The following THEMIS variants were observed in gnomAD, a reference collection of about 807,000 sequenced individuals.
THEMIS encodes the protein protein THEMIS.
A neutral mutation model predicts 52.6 loss-of-function variants in THEMIS; 37 were observed. The ratio of observed to expected loss-of-function variants is 0.70; its 90% confidence interval spans 0.54 to 0.93. THEMIS has a LOEUF of 0.93. Among genes scored for constraint, THEMIS ranks in the 40% least tolerant of loss-of-function variants. THEMIS has a pLI of 0.00. For synonymous variants in THEMIS, 292 were observed against 272.7 expected (o/e 1.07, Z -0.70); for missense variants, 808 against 763.1 (o/e 1.06, Z -0.69).
chr6:127,844,683 T>C (rs1005279337), intron 2 of THEMIS, among the ~76,000 whole-genome samples: 2 of 151,928 alleles, frequency 1.3e-5, no homozygotes, highest in Non-Finnish European at 2.9e-5. Flanking sequence ...TCATGCTCCA[T>C]AACACTCTGA....
chr6:127,850,286 A>G (rs1239859017), intron 2 of THEMIS, among the ~76,000 whole-genome samples: 1 of 152,032 alleles, frequency 6.6e-6, no homozygotes, highest in Non-Finnish European at 1.5e-5. Context: ...ACACTTTTAG[A>G]CTGCTGGTGA....
At chr6:127,769,674 C>T (rs941945977) in intron 4 of THEMIS, among the ~76,000 whole-genome samples, 2 of 152,130 alleles carry the variant, frequency 1.3e-5, no homozygotes, top group Non-Finnish European at 2.9e-5. Flanking sequence ...TACATGTGCA[C>T]AACGTGCAGG....
In THEMIS at chr6:127,812,906, C is replaced by T; in HGVS notation, c.1735G>A (p.Val579Ile). Residue 579 changes from valine to isoleucine, a missense_variant, in exon 4 of 6, where the codon GTA becomes ATA. Val to Ile is a conservative substitution (Grantham distance 29). Transcript: ENST00000368248. The stretch of plus-strand genomic sequence containing the variant: ...ACCTTGGGAGACTTGGGCAGGTCTA[C>T]CGTCCTTTCTTCTGCTAAGGTTAGC... Reference protein sequence around the residue: ...TLLTLAEERTVDLPKSPKRHH... With the variant: ...TLLTLAEERTIDLPKSPKRHH... The T allele has an allele frequency of 6.2e-7, 1 of 1,608,728 alleles. No individual in the cohort carries two copies. The highest frequency in any genetic ancestry group is 2.2e-5 in the East Asian group (1 of 44,838).
At position 127,764,894 on chromosome 6, in the gene THEMIS, C is replaced by T. The variant is rs570739034; in HGVS notation, c.1759-45071G>A. On this transcript the variant is annotated intron_variant, in intron 4 of 5. Coordinates refer to ENST00000368248, the MANE Select transcript of THEMIS (RefSeq NM_001010923.3). ...CCCCCAATTGCAGTAGGAGTTTATGCTTCATTTTGTTCTGACATCTTCATT... is the reference window on the plus strand; with the variant it reads ...CCCCCAATTGCAGTAGGAGTTTATGTTTCATTTTGTTCTGACATCTTCATT... Among the ~76,000 whole-genome samples, 7 of 152,044 alleles carry T rather than the reference C, an allele frequency of 4.6e-5. No homozygotes were observed. In the South Asian group the frequency reaches 1.5e-3, roughly 32 times the overall value.
downstream of THEMIS, among the ~76,000 whole-genome samples, chr6:127,706,635 T>C (rs1348448976): frequency 6.6e-6 from 1 of 152,080 alleles, no homozygotes. Flanking sequence ...GTAAAAGATA[T>C]AGCTTGTTAG....
At chr6:127,721,383 G>T (rs1489511743) in intron 4 of THEMIS, among the ~76,000 whole-genome samples, 1 of 152,064 alleles carries the variant, frequency 6.6e-6, no homozygotes, top group Non-Finnish European at 1.5e-5. Context: ...TAGTATCCCA[G>T]ATAATGGATG....
chr6:127,785,893 C>A (rs1469548217), intron 4 of THEMIS, among the ~76,000 whole-genome samples: 8 of 151,910 alleles, frequency 5.3e-5, no homozygotes, highest in Admixed American at 3.9e-4. Flanking sequence ...ACATATTATA[C>A]CAATTTATGA....
chr6:127,801,643 C>T (rs1269964324), intron 4 of THEMIS, among the ~76,000 whole-genome samples: 1 of 152,150 alleles, frequency 6.6e-6, no homozygotes, highest in African/African-American at 2.4e-5. Context: ...CTCCTCAACC[C>T]ATGCTGCCAT....
Position 127,895,862 on chromosome 6 carries a change from G to C in THEMIS, c.91+4980C>G, listed in dbSNP as rs78814050. Among the ~76,000 whole-genome samples, 960 of 151,062 alleles carry C rather than the reference G, an allele frequency of 6.4e-3. 16 individuals are homozygous for C. The highest frequency in any genetic ancestry group is 0.022 in the African/African-American group (926 of 41,386). On this transcript the variant is annotated intron_variant, in intron 1 of 5. Coordinates refer to ENST00000368248, the MANE Select transcript of THEMIS (RefSeq NM_001010923.3). Reference sequence around the variant, plus strand: ...CAAAAGACTCCAACCAAGAAGTTCCGTAAGTTCAACTAACTTGATAATAAA... The same window carrying C: ...CAAAAGACTCCAACCAAGAAGTTCCCTAAGTTCAACTAACTTGATAATAAA...
intron 3 of THEMIS, among the ~76,000 whole-genome samples, chr6:127,824,688 G>A (rs1778445896): frequency 6.6e-6 from 1 of 152,140 alleles, no homozygotes; most frequent in South Asian, 2.1e-4. Context: ...TGAGAGAGAC[G>A]GGGTTTCACC....
chr6:127,838,478 G>A (rs1018815087), intron 2 of THEMIS, among the ~76,000 whole-genome samples: 4 of 151,998 alleles, frequency 2.6e-5, no homozygotes, highest in African/African-American at 7.2e-5. Flanking sequence ...TAAAAATTGA[G>A]TTATCTTCCT....
At chr6:127,911,291 G>A (rs1314779762) in intron 1 of THEMIS, among the ~76,000 whole-genome samples, 1 of 150,998 alleles carries the variant, frequency 6.6e-6, no homozygotes, top group African/African-American at 2.5e-5. Context: ...CCTTGAGGGA[G>A]GAATATCTAC....
intron 4 of THEMIS, among the ~76,000 whole-genome samples, chr6:127,795,948 A>G (rs926621510): frequency 2.0e-5 from 3 of 152,220 alleles, no homozygotes; most frequent in African/African-American, 7.2e-5. Context: ...AGGATTGTTT[A>G]GTCAATATGT....
At chr6:127,826,514 A>G (rs1778511900) in intron 3 of THEMIS, among the ~76,000 whole-genome samples, 1 of 152,150 alleles carries the variant, frequency 6.6e-6, no homozygotes, top group Non-Finnish European at 1.5e-5. Flanking sequence ...CAAATTTGAG[A>G]GGCATTGAGA....
At chr6:127,795,580 G>A (rs953298998) in intron 4 of THEMIS, among the ~76,000 whole-genome samples, 1 of 152,164 alleles carries the variant, frequency 6.6e-6, no homozygotes, top group Non-Finnish European at 1.5e-5. Context: ...TGCCCGCCTC[G>A]GCCTCCCAAA....
intron 1 of THEMIS, among the ~76,000 whole-genome samples, chr6:127,884,590 G>C (rs1471760840): frequency 6.6e-6 from 1 of 152,058 alleles, no homozygotes; most frequent in Non-Finnish European, 1.5e-5. Flanking sequence ...CATGGTTTCT[G>C]TCTGCACAGC....
chr6:127,730,691 C>T (rs1774762209), intron 4 of THEMIS, among the ~76,000 whole-genome samples: 2 of 152,156 alleles, frequency 1.3e-5, no homozygotes, highest in Non-Finnish European at 2.9e-5. Context: ...ATAGGTTGCA[C>T]ACTGTTTTCA....
chr6:127,704,422 C>T (rs771047627), downstream of THEMIS, among the ~76,000 whole-genome samples: 5 of 152,020 alleles, frequency 3.3e-5, no homozygotes, highest in African/African-American at 9.7e-5. Flanking sequence ...AGCTGATGGG[C>T]GTCTAATAGA....
intron 2 of THEMIS, among the ~76,000 whole-genome samples, chr6:127,842,947 G>A (rs962322726): frequency 6.6e-6 from 1 of 151,926 alleles, no homozygotes; most frequent in African/African-American, 2.4e-5. Context: ...ATTCATGGAA[G>A]GGTGGTATCA....
Sources: allele counts gnomAD v4.1 joint callset (sites outside exome capture counted in the v4.1 genomes callset), GRCh38; gene constraint gnomAD v4.1.1; transcripts MANE v1.5; gene names NCBI Gene and HGNC (gene_info 2026-07-23, HGNC 2026-07-21).